OR51B5: variants seen among roughly 807,000 people sequenced by gnomAD.
OR51B5 encodes the protein olfactory receptor family 51 subfamily B member 5, also known as olfactory receptor 51B5.
For missense variants in OR51B5, 456 were observed against 374.6 expected (o/e 1.22, Z -1.79); for synonymous variants, 186 against 144.8 (o/e 1.28, Z -2.04).
Position 5,398,184 on chromosome 11 carries a change from T to C in OR51B5, n.85-51274A>G, listed in dbSNP as rs570875175. ...ACCTGCACCTTGTGCACATGTACCC[T>C]AAAACTTAAAAGTATAACAAAAAAT... On this transcript the variant is annotated intron_variant and non_coding_transcript_variant, in intron 1 of 4. Transcript: ENST00000415970. Among the ~76,000 whole-genome samples, 20 of 56,022 alleles carry C rather than the reference T, an allele frequency of 3.6e-4. No individual in the cohort carries two copies. The South Asian group carries it at 0.011, about 31-fold the overall frequency. 36.8% of individuals were successfully genotyped at this position (56,022 alleles called of 152,430 possible). A position where few individuals can be genotyped will look rare whatever the true frequency, so the allele number is the denominator to read the frequency against.
intron 1 of OR51B5, chr11:5,352,446 A>C (rs1849112333): frequency 6.4e-7 from 1 of 1,551,678 alleles, no homozygotes; most frequent in South Asian, 1.1e-5. Context: ...CTAGAGCATG[A>C]CATTGTTTCA....
intron 1 of OR51B5, among the ~76,000 whole-genome samples, chr11:5,474,448 A>G (rs1851274030): frequency 6.6e-6 from 1 of 152,020 alleles, no homozygotes; most frequent in Admixed American, 6.6e-5. Flanking sequence ...CCTGCTAAGT[A>G]CCATGATTTA....
intron 1 of OR51B5, chr11:5,402,937 G>A (rs971241292): frequency 2.1e-6 from 1 of 471,300 alleles, no homozygotes; most frequent in Non-Finnish European, 4.4e-6. Context: ...ATCCATGATG[G>A]AGCCAGCTGT....
intron 1 of OR51B5, among the ~76,000 whole-genome samples, chr11:5,429,715 C>T (rs1205847146): frequency 1.3e-5 from 2 of 151,988 alleles, no homozygotes; most frequent in African/African-American, 4.8e-5. Flanking sequence ...AAAAGCACCA[C>T]ATGCACGGTA....
intron 1 of OR51B5, among the ~76,000 whole-genome samples, chr11:5,381,606 C>G (rs77040155): frequency 0.016 from 2,427 of 152,310 alleles, 36 homozygotes; most frequent in Non-Finnish European, 0.025. Context: ...ATCTGTCTAT[C>G]TTCAAGTTCT....
chr11:5,414,524 T>C (rs1423028305), intron 1 of OR51B5, among the ~76,000 whole-genome samples: 1 of 152,000 alleles, frequency 6.6e-6, no homozygotes, highest in Non-Finnish European at 1.5e-5. Context: ...CAGTGTGTTG[T>C]ATTCAGGAAA....
At chr11:5,495,945 AT>A (rs540217075) in intron 1 of OR51B5, among the ~76,000 whole-genome samples, 1 of 151,936 alleles carries the variant, frequency 6.6e-6, no homozygotes, top group Admixed American at 6.6e-5. Context: ...GCATATTGCA[AT>A]TTTTTTTAAC....
At chr11:5,471,292 A>G (rs1004358236) in intron 1 of OR51B5, among the ~76,000 whole-genome samples, 3 of 152,178 alleles carry the variant, frequency 2.0e-5, no homozygotes, top group African/African-American at 7.2e-5. Flanking sequence ...GGGCATAGAG[A>G]GCCCTAGACT....
At chr11:5,373,380 T>C (rs1337104953) in intron 1 of OR51B5, among the ~76,000 whole-genome samples, 2 of 152,218 alleles carry the variant, frequency 1.3e-5, no homozygotes, top group Non-Finnish European at 2.9e-5. Context: ...AGCTCTGGTC[T>C]ACAGCTCCCA....
At chr11:5,410,225 C>T (rs1437672136) in intron 1 of OR51B5, among the ~76,000 whole-genome samples, 2 of 151,902 alleles carry the variant, frequency 1.3e-5, no homozygotes, top group African/African-American at 4.8e-5. Flanking sequence ...AGAAAGCAAA[C>T]ACTGACTGAA....
intron 1 of OR51B5, among the ~76,000 whole-genome samples, chr11:5,442,205 T>G (rs1406617302): frequency 6.6e-6 from 1 of 152,198 alleles, no homozygotes; most frequent in Admixed American, 6.5e-5. Context: ...TATAGTAAAC[T>G]GCAACCTTTA....
chr11:5,456,553 T>C (rs1321737936), intron 1 of OR51B5: 2 of 152,176 alleles, frequency 1.3e-5, no homozygotes, highest in Admixed American at 6.5e-5. Context: ...ATACTTGAAT[T>C]TTGGTCTAAA....
rs202023944 is a variant in OR51B5 at position 5,454,386 on chromosome 11, C to T, written n.84+51183G>A. On this transcript the variant is annotated intron_variant and non_coding_transcript_variant, in intron 1 of 4. Transcript: ENST00000415970. ...TTATAGCGCCAAGACAAAGGAAATC[C>T]GCCGAGCCATTTTCCGCATGTTTCA... The T allele has an allele frequency of 2.1e-4, 339 of 1,611,080 alleles. 1 individual carries two copies. In the East Asian group the frequency reaches 5.3e-3, roughly 25 times the overall value.
chr11:5,404,416 C>T (rs987650619), intron 1 of OR51B5, among the ~76,000 whole-genome samples: 2 of 152,104 alleles, frequency 1.3e-5, no homozygotes, highest in Admixed American at 6.6e-5. Flanking sequence ...AAAAACGCAC[C>T]AACTAGTGCT....
intron 1 of OR51B5, among the ~76,000 whole-genome samples, chr11:5,432,224 A>G (rs1587348): frequency 6.6e-6 from 1 of 152,028 alleles, no homozygotes; most frequent in Non-Finnish European, 1.5e-5. Context: ...CTCTACCTAC[A>G]TGATATCAAC....
chr11:5,459,619 T>G (rs1288530688), intron 1 of OR51B5, among the ~76,000 whole-genome samples: 2 of 143,870 alleles, frequency 1.4e-5, no homozygotes, highest in Non-Finnish European at 2.9e-5. Context: ...CCAAGAAGCA[T>G]GTGAAATAAA....
chr11:5,390,598 G>T, intron 1 of OR51B5: 1 of 505,538 alleles, frequency 2.0e-6, no homozygotes, highest in East Asian at 3.0e-5. Flanking sequence ...GGCATTTTTG[G>T]TAGCATCAAA....
intron 1 of OR51B5, among the ~76,000 whole-genome samples, chr11:5,460,062 T>A (rs1189038485): frequency 6.6e-6 from 1 of 151,914 alleles, no homozygotes; most frequent in East Asian, 1.9e-4. Flanking sequence ...AATAAAGCCA[T>A]AAAAAATAAG....
intron 1 of OR51B5, chr11:5,352,392 G>T: frequency 6.2e-7 from 1 of 1,612,846 alleles, no homozygotes. Context: ...TTAAAACTAA[G>T]CAGATTCAGA....
Sources: allele counts gnomAD v4.1 joint callset (sites outside exome capture counted in the v4.1 genomes callset), GRCh38; gene constraint gnomAD v4.1.1; transcripts MANE v1.5; gene names NCBI Gene and HGNC (gene_info 2026-07-23, HGNC 2026-07-21).